The following CAST variants were observed in gnomAD, a reference collection of about 807,000 sequenced individuals.
CAST encodes MIR583 host.
A neutral mutation model predicts 119.6 loss-of-function variants in CAST; 76 were observed. The ratio of observed to expected loss-of-function variants is 0.64; its 90% CI spans 0.53 to 0.77. The LOEUF is 0.77. Ranked by LOEUF, CAST falls within the 30% of genes least tolerant of loss-of-function variation. CAST has a pLI of 0.00. For synonymous variants in CAST, 319 were observed against 331.6 expected (o/e 0.96, Z 0.41); for missense variants, 953 against 946.5 (o/e 1.01, Z -0.09).
the CAST span, among the ~76,000 whole-genome samples, chr5:96,195,308 C>A: frequency 6.6e-6 from 1 of 152,148 alleles, no homozygotes; most frequent in Non-Finnish European, 1.5e-5. Context: ...CTAACCCTGG[C>A]AAGGCTTAAT....
At chr5:96,705,713 G>T (rs1040797031) in intron 3 of CAST, among the ~76,000 whole-genome samples, 1 of 151,862 alleles carries the variant, frequency 6.6e-6, no homozygotes, top group Admixed American at 6.6e-5. Flanking sequence ...TTCTAATGTG[G>T]CTATAACACA....
At chr5:96,248,430 G>A in the CAST span, among the ~76,000 whole-genome samples, 1 of 152,240 alleles carries the variant, frequency 6.6e-6, no homozygotes, top group African/African-American at 2.4e-5. Context: ...CATATATTTG[G>A]GTGTGTTTAA....
the CAST span, chr5:95,961,560 G>A: frequency 6.4e-7 from 1 of 1,566,602 alleles, no homozygotes; most frequent in Non-Finnish European, 8.6e-7. Flanking sequence ...CCAGCCTGCC[G>A]GCCGGCCCGC....
chr5:96,036,941 G>A, the CAST span, among the ~76,000 whole-genome samples: 3 of 152,070 alleles, frequency 2.0e-5, no homozygotes, highest in South Asian at 4.1e-4. Flanking sequence ...CTCAATGATA[G>A]GGAGGAAATA....
At chr5:96,764,657 C>T (rs1185593956) in intron 25 of CAST, among the ~76,000 whole-genome samples, 1 of 152,120 alleles carries the variant, frequency 6.6e-6, no homozygotes, top group Non-Finnish European at 1.5e-5. Context: ...CCATGGCTTC[C>T]CACAAACTGC....
chr5:96,528,103 G>A (rs1745626830), upstream of CAST, among the ~76,000 whole-genome samples: 2 of 152,154 alleles, frequency 1.3e-5, no homozygotes, highest in Admixed American at 1.3e-4. Flanking sequence ...CAGATTCCAA[G>A]TTTATGCACA....
intron 2 of CAST, among the ~76,000 whole-genome samples, chr5:96,685,490 C>T (rs1180985389): frequency 6.6e-6 from 1 of 152,122 alleles, no homozygotes; most frequent in East Asian, 1.9e-4. Flanking sequence ...TATTTTTCCA[C>T]ATAACAAAAT....
chr5:96,469,134 C>T, the CAST span, among the ~76,000 whole-genome samples: 6 of 152,020 alleles, frequency 3.9e-5, no homozygotes, highest in African/African-American at 9.7e-5. Context: ...GATTCATTCA[C>T]GAGTATTGAG....
the CAST span, among the ~76,000 whole-genome samples, chr5:96,144,484 A>T: frequency 1.3e-5 from 2 of 152,176 alleles, no homozygotes. Flanking sequence ...TACATGACTA[A>T]GGTTTGTATC....
chr5:96,494,849 A>G, the CAST span, among the ~76,000 whole-genome samples: 19 of 152,178 alleles, frequency 1.2e-4, no homozygotes, highest in East Asian at 1.9e-4. Context: ...CGGGCGCAGT[A>G]GCTCACGCCT....
At chr5:96,711,501 T>G (rs1263962710) in intron 3 of CAST, among the ~76,000 whole-genome samples, 1 of 152,202 alleles carries the variant, frequency 6.6e-6, no homozygotes, top group Non-Finnish European at 1.5e-5. Flanking sequence ...ACTACTGTGC[T>G]AAGTGATTTA....
chr5:96,757,686 A>ATTT, intron 24 of CAST, 32 bp downstream of exon 24: 12 of 1,220,110 alleles, frequency 9.8e-6, no homozygotes, highest in Admixed American at 2.2e-5. Context: ...TTATTTCTTT[A>ATTT]GTTTTTTTTT....
the CAST span, among the ~76,000 whole-genome samples, chr5:96,439,210 G>T: frequency 6.6e-6 from 1 of 152,172 alleles, no homozygotes; most frequent in Non-Finnish European, 1.5e-5. Context: ...TTCAGGTAAA[G>T]TTGGTTGATT....
the CAST span, among the ~76,000 whole-genome samples, chr5:96,099,956 C>T: frequency 5.3e-5 from 8 of 152,266 alleles, no homozygotes; most frequent in African/African-American, 1.7e-4. Context: ...CCCTTCTGGT[C>T]CTGGCCTGTT....
chr5:96,083,111 A>G, the CAST span, among the ~76,000 whole-genome samples: 1 of 152,228 alleles, frequency 6.6e-6, no homozygotes, highest in South Asian at 2.1e-4. Flanking sequence ...TTTTGGAGTT[A>G]GGTCTAAACA....
At chr5:96,205,064 G>T in the CAST span, among the ~76,000 whole-genome samples, 1 of 151,992 alleles carries the variant, frequency 6.6e-6, no homozygotes, top group South Asian at 2.1e-4. Flanking sequence ...GGACAAATAC[G>T]CCATCTCTTT....
At chr5:96,664,292 AGT>A (rs1491114693) in intron 1 of CAST, among the ~76,000 whole-genome samples, 2 of 151,592 alleles carry the variant, frequency 1.3e-5, no homozygotes, top group Admixed American at 6.6e-5. Context: ...GTATATTTAC[AGT>A]GTGTGTGCAT....
chr5:96,022,754 T>C, the CAST span, among the ~76,000 whole-genome samples: 1 of 152,136 alleles, frequency 6.6e-6, no homozygotes, highest in Non-Finnish European at 1.5e-5. Flanking sequence ...GGCTGATAAG[T>C]CCAGAATTTG....
At chr5:96,717,803 A>G (rs1279037129) in intron 3 of CAST, among the ~76,000 whole-genome samples, 1 of 152,212 alleles carries the variant, frequency 6.6e-6, no homozygotes, top group Non-Finnish European at 1.5e-5. Context: ...GGAGAATCTA[A>G]AAATCAGGCA....
Sources: gnomAD v4.1 joint callset for allele counts (sites outside exome capture counted in the v4.1 genomes callset) on GRCh38, gnomAD v4.1.1 for gene constraint, MANE v1.5 for transcripts, NCBI Gene and HGNC (gene_info 2026-07-23, HGNC 2026-07-21) for gene names.